HDAC8: variants seen among roughly 807,000 people sequenced by gnomAD.
HDAC8 encodes histone deacetylase-like 1.
A neutral mutation model predicts 32.2 loss-of-function variants in HDAC8; 1 was observed. That is an observed-to-expected ratio of 0.03 (90% CI 0.01 to 0.15). HDAC8 has a LOEUF of 0.15. Among genes scored for constraint, HDAC8 ranks in the 10% least tolerant of loss-of-function variants. HDAC8 has a pLI of 1.00. For missense variants in HDAC8, 117 were observed against 300.0 expected, an observed-to-expected ratio of 0.39 and a Z score of 4.51; for synonymous variants, 108 against 113.9, an observed-to-expected ratio of 0.95 and a Z score of 0.33.
chrX:72,451,964 T>C (rs2047581952), intron 9 of HDAC8, among the ~76,000 whole-genome samples: 1 of 111,637 alleles, frequency 9.0e-6, no homozygotes, highest in Admixed American at 9.5e-5. Flanking sequence ...GTAGAGGAGA[T>C]GGATATTGGA....
chrX:72,388,170 C>T (rs1349060535), intron 9 of HDAC8, among the ~76,000 whole-genome samples: 5 of 110,463 alleles, frequency 4.5e-5, no homozygotes, highest in African/African-American at 9.9e-5. Context: ...TTGTGTTCTC[C>T]GCTAAGAATT....
chrX:72,373,980 C>G (rs781882797), intron 9 of HDAC8, among the ~76,000 whole-genome samples: 1 of 111,975 alleles, frequency 8.9e-6, no homozygotes, highest in Non-Finnish European at 1.9e-5. Context: ...TATTTATTGA[C>G]CAGTTGTATA....
At chrX:72,551,859 C>A (rs1425241057) in intron 4 of HDAC8, among the ~76,000 whole-genome samples, 1 of 111,981 alleles carries the variant, frequency 8.9e-6, no homozygotes, top group Non-Finnish European at 1.9e-5. Flanking sequence ...CCCTCAGACT[C>A]TGGCCACATT....
chrX:72,520,430 G>A (rs781884722), intron 4 of HDAC8, among the ~76,000 whole-genome samples: 1 of 111,910 alleles, frequency 8.9e-6, no homozygotes, highest in South Asian at 3.7e-4. Flanking sequence ...TTATGGAAGA[G>A]TTGAAAGAAT....
intron 2 of HDAC8, 92 bp downstream of exon 2, chrX:72,571,965 A>G (rs1183863762): frequency 1.3e-6 from 1 of 748,364 alleles, no homozygotes; most frequent in Non-Finnish European, 1.9e-6. Flanking sequence ...AATTTTTTCA[A>G]AAGACCATTC....
chrX:72,411,060 C>G (rs1264414676), intron 9 of HDAC8, among the ~76,000 whole-genome samples: 1 of 79,984 alleles, frequency 1.3e-5, no homozygotes, highest in Non-Finnish European at 2.1e-5. Context: ...GAATCTTGCT[C>G]TGTTGCCCAG....
chrX:72,453,482 A>G (rs953490626), intron 9 of HDAC8, among the ~76,000 whole-genome samples: 7 of 104,731 alleles, frequency 6.7e-5, no homozygotes, highest in Non-Finnish European at 1.2e-4. Flanking sequence ...GAAAGAAAGA[A>G]AGAAAGAAAG....
At chrX:72,411,202 C>G (rs1602724744) in intron 9 of HDAC8, among the ~76,000 whole-genome samples, 1 of 109,735 alleles carries the variant, frequency 9.1e-6, no homozygotes. Flanking sequence ...ATTTTTGTAT[C>G]TTTAGTAGAG....
At chrX:72,567,081 G>T (rs968136023) in intron 4 of HDAC8, among the ~76,000 whole-genome samples, 2 of 112,149 alleles carry the variant, frequency 1.8e-5, no homozygotes, top group Admixed American at 1.9e-4. Context: ...GAAGGAGGAG[G>T]TTGCAGTAAG....
At chrX:72,346,597 CA>C (rs1187025657) in intron 10 of HDAC8, among the ~76,000 whole-genome samples, 1 of 112,178 alleles carries the variant, frequency 8.9e-6, no homozygotes, top group Non-Finnish European at 1.9e-5. Flanking sequence ...AGTAGATGTG[CA>C]AAGGGTCTCA....
At chrX:72,531,968 G>T (rs1232145759) in intron 4 of HDAC8, among the ~76,000 whole-genome samples, 2 of 112,276 alleles carry the variant, frequency 1.8e-5, no homozygotes, top group African/African-American at 6.5e-5. Flanking sequence ...TATATTTTCA[G>T]TTCTTTTGGA....
chrX:72,467,398 G>C (rs782562203), intron 7 of HDAC8: 2 of 111,587 alleles, frequency 1.8e-5, no homozygotes, highest in South Asian at 3.8e-4. Flanking sequence ...TGATTATTGT[G>C]CAATAAAAGT....
intron 7 of HDAC8, among the ~76,000 whole-genome samples, chrX:72,482,319 C>A (rs2048533930): frequency 8.9e-6 from 1 of 112,134 alleles, no homozygotes; most frequent in African/African-American, 3.2e-5. Flanking sequence ...GGACACTATT[C>A]ACTTTCTAAA....
At chrX:72,413,832 G>T (rs1329030268) in intron 9 of HDAC8, among the ~76,000 whole-genome samples, 2 of 112,116 alleles carry the variant, frequency 1.8e-5, no homozygotes, top group African/African-American at 3.2e-5. Flanking sequence ...CTGAGTCAAT[G>T]AAACCTCTTT....
intron 4 of HDAC8, among the ~76,000 whole-genome samples, chrX:72,509,388 C>T (rs1038670543): frequency 1.8e-5 from 2 of 111,488 alleles, no homozygotes; most frequent in Non-Finnish European, 3.8e-5. Context: ...GGATTACAGG[C>T]GTTAGTCACC....
chrX:72,544,909 G>T (rs1345744684), intron 4 of HDAC8, among the ~76,000 whole-genome samples: 1 of 112,012 alleles, frequency 8.9e-6, no homozygotes, highest in Admixed American at 9.5e-5. Context: ...TTTGTAGAAG[G>T]CCTTGATTTT....
At chrX:72,338,429 G>C (rs1312269913) in intron 10 of HDAC8, among the ~76,000 whole-genome samples, 1 of 109,857 alleles carries the variant, frequency 9.1e-6, no homozygotes. Flanking sequence ...AACCAGGCTA[G>C]GATACATAAG....
At position 72,432,228 on chromosome X, in the gene HDAC8, C is replaced by T. The variant is rs147862809; in HGVS notation, c.1005+29776G>A. ...GGCTCAAGAAATCCTCTTGCCTTGA[C>T]CTCCCAAAGTGTTGGGATTACAGGC... On this transcript the variant is annotated intron_variant, in intron 9 of 10. Transcript: ENST00000373573. 3.0e-3 allele frequency among the ~76,000 whole-genome samples: 329 copies of T among 111,210 alleles called. 3 individuals are homozygous for T. In the East Asian group the frequency reaches 0.033, roughly 11 times the overall value.
intron 4 of HDAC8, among the ~76,000 whole-genome samples, chrX:72,533,316 T>C (rs953876421): frequency 3.6e-5 from 4 of 112,234 alleles, no homozygotes; most frequent in African/African-American, 1.3e-4. Flanking sequence ...TTATTCTTTT[T>C]CAGGATTGTT....
Sources: gnomAD v4.1 joint callset for allele counts (sites outside exome capture counted in the v4.1 genomes callset) on GRCh38, gnomAD v4.1.1 for gene constraint, MANE v1.5 for transcripts, NCBI Gene and HGNC (gene_info 2026-07-23, HGNC 2026-07-21) for gene names.